Variants in MAOA observed in about 807,000 individuals in gnomAD.
The protein encoded by MAOA is monoamine oxidase A.
Under a neutral mutation model 42.0 loss-of-function variants are expected in MAOA, and 6 were observed. The observed-to-expected ratio is 0.14, with a 90% CI of 0.08 to 0.28. The LOEUF (loss-of-function observed/expected upper bound fraction) is 0.28. MAOA is among the 10% of genes least tolerant of loss of function. MAOA has a pLI of 1.00. For missense variants in MAOA, 262 were observed against 422.3 expected, an observed-to-expected ratio of 0.62 and a Z score of 3.33; for synonymous variants, 140 against 154.0, an observed-to-expected ratio of 0.91 and a Z score of 0.67.
rs897000974 is a variant in MAOA at position 43,701,462 on chromosome X, G to A, written c.306+8034G>A. Among the ~76,000 whole-genome samples the A allele has an allele frequency of 4.5e-5, 5 of 111,730 alleles. No homozygotes were observed. In the South Asian group the frequency reaches 1.5e-3, roughly 33 times the overall value. Reference sequence around the variant, plus strand: ...AAATTTATCATCTTCACCAATTTTAGGTGTACAGTTAATTCAGTAGCATTA... The same window carrying A: ...AAATTTATCATCTTCACCAATTTTAAGTGTACAGTTAATTCAGTAGCATTA... On this transcript the variant is annotated intron_variant, in intron 3 of 14. Coordinates refer to ENST00000338702, the MANE Select transcript of MAOA (RefSeq NM_000240.4).
chrX:43,659,658 G>A (rs749346062), intron 1 of MAOA, among the ~76,000 whole-genome samples: 2 of 110,881 alleles, frequency 1.8e-5, no homozygotes, highest in South Asian at 7.6e-4. Context: ...CTGTCCCATA[G>A]CTTATCTGCT....
At chrX:43,666,191 T>A (rs1237319008) in intron 1 of MAOA, among the ~76,000 whole-genome samples, 1 of 112,169 alleles carries the variant, frequency 8.9e-6, no homozygotes, top group Non-Finnish European at 1.9e-5. Flanking sequence ...ATCCTAGGGA[T>A]GCAAAGATTT....
At chrX:43,739,755 G>C (rs1376794570) in intron 10 of MAOA, among the ~76,000 whole-genome samples, 2 of 111,840 alleles carry the variant, frequency 1.8e-5, no homozygotes, top group Admixed American at 1.9e-4. Flanking sequence ...AAATATTTTA[G>C]AGCATTTTCA....
Position 43,740,758 on chromosome X carries a change from A to G in MAOA, c.1164+20A>G. ...TTACATGTAAGAAACTCCCAGCTTT[A>G]ATCCCTAGCAGGTTCTTCTCTGTTC... On this transcript the variant is annotated intron_variant, in intron 11 of 14. Coordinates refer to ENST00000338702, the MANE Select transcript of MAOA (RefSeq NM_000240.4). The G allele has an allele frequency of 8.5e-7, 1 of 1,178,940 alleles. No homozygotes were observed. The highest frequency in any genetic ancestry group is 1.1e-6 in the Non-Finnish European group (1 of 871,478).
intron 3 of MAOA, among the ~76,000 whole-genome samples, chrX:43,700,717 AT>A (rs1468543793): frequency 8.9e-6 from 1 of 112,089 alleles, no homozygotes; most frequent in Non-Finnish European, 1.9e-5. Flanking sequence ...CTGGCTATAT[AT>A]TATTTTTGTT....
chrX:43,656,434 G>A lies in MAOA; in HGVS notation c.73+20G>A. ...TTTCAGGTCAGTGTGGACCGTAGCG[G>A]TGGCCTGGGGGACCCTGGCCAGTGA... is the stretch of plus-strand genomic sequence containing the variant. On this transcript the variant is annotated intron_variant, in intron 1 of 14. Transcript: ENST00000338702. 1 of 1,196,316 alleles carries A rather than the reference G, an allele frequency of 8.4e-7. No individual in the cohort carries two copies. The highest frequency in any genetic ancestry group is 1.1e-6 in the Non-Finnish European group (1 of 881,658).
At chrX:43,740,913 G>A (rs770356229) in intron 11 of MAOA, among the ~76,000 whole-genome samples, 175 bp downstream of exon 11, 3 of 111,346 alleles carry the variant, frequency 2.7e-5, no homozygotes, top group Non-Finnish European at 5.7e-5. Context: ...GGTATTAGGC[G>A]CATGGAATTT....
At chrX:43,706,405 T>C (rs1378502344) in intron 3 of MAOA, among the ~76,000 whole-genome samples, 3 of 112,008 alleles carry the variant, frequency 2.7e-5, no homozygotes, top group African/African-American at 9.7e-5. Context: ...GAACTCATTA[T>C]TGTTTCTATC....
intron 10 of MAOA, among the ~76,000 whole-genome samples, chrX:43,738,610 C>T (rs1336616058): frequency 9.0e-6 from 1 of 111,075 alleles, no homozygotes; most frequent in Non-Finnish European, 1.9e-5. Context: ...TGCTTGAGTG[C>T]AGAGGTTGAA....
chrX:43,700,393 C>A (rs2033614229), intron 3 of MAOA, among the ~76,000 whole-genome samples: 1 of 112,032 alleles, frequency 8.9e-6, no homozygotes, highest in South Asian at 3.7e-4. Flanking sequence ...GTAAGATGCC[C>A]CTTTGGAAAC....
chrX:43,688,220 C>T (rs368581430), intron 2 of MAOA, among the ~76,000 whole-genome samples: 3 of 112,545 alleles, frequency 2.7e-5, no homozygotes, highest in African/African-American at 9.7e-5. Flanking sequence ...GGCCTCCTTG[C>T]TATTTCTTGA....
intron 1 of MAOA, among the ~76,000 whole-genome samples, chrX:43,658,637 AC>A (rs1044818065): frequency 9.0e-6 from 1 of 111,566 alleles, no homozygotes; most frequent in African/African-American, 3.3e-5. Flanking sequence ...AGTAGTTCAC[AC>A]CTCTATTCCA....
chrX:43,741,917 C>G (rs2033963128), intron 11 of MAOA, 33 bp from the exon 12 acceptor site: 1 of 1,208,410 alleles, frequency 8.3e-7, no homozygotes, highest in South Asian at 1.8e-5. Flanking sequence ...GCTTTGTTTT[C>G]TCTTTTGTAT....
intron 3 of MAOA, among the ~76,000 whole-genome samples, chrX:43,710,888 G>T (rs1018362412): frequency 2.7e-5 from 3 of 112,517 alleles, no homozygotes; most frequent in African/African-American, 9.7e-5. Context: ...CTACAGAACT[G>T]ATGTGAGGCT....
intron 9 of MAOA, among the ~76,000 whole-genome samples, chrX:43,734,250 A>G (rs774629898): frequency 9.1e-6 from 1 of 109,626 alleles, no homozygotes; most frequent in South Asian, 4.0e-4. Flanking sequence ...GGCTAAAACA[A>G]ATATAAAATA....
chrX:43,704,212 T>C (rs992790112), intron 3 of MAOA, among the ~76,000 whole-genome samples: 1 of 111,317 alleles, frequency 9.0e-6, no homozygotes, highest in Admixed American at 9.6e-5. Context: ...CCAATATCCC[T>C]ATATAGAGAT....
chrX:43,665,388 C>T (rs2033267065), intron 1 of MAOA, among the ~76,000 whole-genome samples: 1 of 111,176 alleles, frequency 9.0e-6, no homozygotes, highest in Non-Finnish European at 1.9e-5. Flanking sequence ...TGATACTTCT[C>T]CCCAGAGCAT....
chrX:43,660,071 C>T (rs900030074), intron 1 of MAOA, among the ~76,000 whole-genome samples: 1 of 111,554 alleles, frequency 9.0e-6, no homozygotes, highest in Non-Finnish European at 1.9e-5. Flanking sequence ...ATCCTCCTTC[C>T]TCCTGCCCCA....
chrX:43,700,713 A>G (rs957615820), intron 3 of MAOA, among the ~76,000 whole-genome samples: 3 of 112,136 alleles, frequency 2.7e-5, no homozygotes, highest in Non-Finnish European at 5.6e-5. Flanking sequence ...ATTGCTGGCT[A>G]TATATTATTT....
Sources: allele counts gnomAD v4.1 joint callset (sites outside exome capture counted in the v4.1 genomes callset), GRCh38; gene constraint gnomAD v4.1.1; transcripts MANE v1.5; gene names NCBI Gene and HGNC (gene_info 2026-07-23, HGNC 2026-07-21).